The following ARHGAP32 variants were observed in gnomAD, a reference collection of about 807,000 sequenced individuals.
ARHGAP32 encodes Rho GTPase activating protein 32, also known as rho GTPase-activating protein 32.
In ARHGAP32, 51 loss-of-function variants were observed where a neutral mutation model predicts 186.5. The ratio of observed to expected loss-of-function variants is 0.27; its 90% confidence interval spans 0.22 to 0.35. The LOEUF (loss-of-function observed/expected upper bound fraction) is 0.35. Among genes scored for constraint, ARHGAP32 ranks in the 10% least tolerant of loss-of-function variants. The pLI is 1.00. For synonymous variants in ARHGAP32, 950 were observed against 964.3 expected, an observed-to-expected ratio of 0.99 and a Z score of 0.27; for missense variants, 2,186 against 2,623.5, an observed-to-expected ratio of 0.83 and a Z score of 3.64.
intron 2 of ARHGAP32, among the ~76,000 whole-genome samples, chr11:129,161,812 T>TTA (rs904385485): frequency 5.3e-5 from 8 of 151,936 alleles, no homozygotes; most frequent in African/African-American, 1.9e-4. Context: ...ACCCAAAGTA[T>TTA]TATAAATCAT....
chr11:129,197,928 G>A (rs564622408), intron 1 of ARHGAP32, among the ~76,000 whole-genome samples: 1 of 152,154 alleles, frequency 6.6e-6, no homozygotes, highest in Admixed American at 6.5e-5. Flanking sequence ...ATTCACAATG[G>A]TATCTAAAGA....
intron 1 of ARHGAP32, among the ~76,000 whole-genome samples, chr11:129,198,315 C>T (rs1944418951): frequency 6.6e-6 from 1 of 152,164 alleles, no homozygotes; most frequent in Admixed American, 6.5e-5. Flanking sequence ...CAAGCTCAGA[C>T]TCAAATATCA....
chr11:129,049,655 C>G (rs1402764714), intron 10 of ARHGAP32, among the ~76,000 whole-genome samples: 1 of 151,968 alleles, frequency 6.6e-6, no homozygotes. Context: ...TTTTTGTCTG[C>G]CTTCTTTCAT....
At chr11:129,230,502 TCTA>T (rs1378283659) in intron 1 of ARHGAP32, among the ~76,000 whole-genome samples, 7 of 152,118 alleles carry the variant, frequency 4.6e-5, no homozygotes, top group South Asian at 2.1e-4. Flanking sequence ...ACTGTTTTAT[TCTA>T]CTTACTTTTT....
At chr11:129,248,360 T>TTGCGA (rs960892542) in intron 1 of ARHGAP32, among the ~76,000 whole-genome samples, 3 of 152,200 alleles carry the variant, frequency 2.0e-5, no homozygotes, top group Admixed American at 1.3e-4. Flanking sequence ...AATGACTTCC[T>TTGCGA]TGCGATGCGA....
chr11:129,244,644 A>G (rs1945065347), intron 1 of ARHGAP32, among the ~76,000 whole-genome samples: 1 of 151,878 alleles, frequency 6.6e-6, no homozygotes, highest in Admixed American at 6.5e-5. Context: ...AGAAACTACC[A>G]TCAGAGTGAA....
At chr11:129,127,725 CTTT>C (rs1170651095) in intron 2 of ARHGAP32, among the ~76,000 whole-genome samples, 1 of 151,794 alleles carries the variant, frequency 6.6e-6, no homozygotes, top group Non-Finnish European at 1.5e-5. Context: ...TAAGAAAGTT[CTTT>C]TTTAGAAAAT....
intron 1 of ARHGAP32, among the ~76,000 whole-genome samples, chr11:129,256,109 A>T (rs925092125): frequency 3.9e-5 from 6 of 152,124 alleles, no homozygotes; most frequent in African/African-American, 1.4e-4. Flanking sequence ...CAATTCCAGC[A>T]TATAAAATAA....
chr11:129,017,712 T>A (rs1044873529), intron 11 of ARHGAP32, among the ~76,000 whole-genome samples: 1 of 152,156 alleles, frequency 6.6e-6, no homozygotes, highest in African/African-American at 2.4e-5. Context: ...TCCCTTCCAA[T>A]CCTTTTAATT....
At chr11:129,016,409 T>C (rs1938339772) in intron 11 of ARHGAP32, among the ~76,000 whole-genome samples, 1 of 152,210 alleles carries the variant, frequency 6.6e-6, no homozygotes, top group African/African-American at 2.4e-5. Context: ...TATTGCCCTA[T>C]TTCTTCTAAA....
At position 128,970,941 on chromosome 11, in the gene ARHGAP32, A is replaced by G; in HGVS notation, c.4272T>C (p.Pro1424=). The G allele has an allele frequency of 6.2e-7, 1 of 1,613,972 alleles. No homozygotes were observed. The change falls in exon 23 of 23, where the codon CCT becomes CCC. Residue 1424 remains proline (P), a synonymous_variant. Coordinates refer to ENST00000682385, the MANE Select transcript of ARHGAP32 (RefSeq NM_001378024.1). The surrounding 1 kb of genome is among the most constrained non-coding windows in gnomAD (Gnocchi z 5.8). The part of the protein sequence containing the change: ...ESVPAHPCGF[P]APLPPTRMME... The stretch of plus-strand genomic sequence containing the variant: ...TCATCCTGGTGGGGGGCAGTGGTGC[A>G]GGAAAGCCACAGGGATGCGCAGGGA...
chr11:128,984,374 C>CAA (rs1008089613), intron 15 of ARHGAP32, among the ~76,000 whole-genome samples: 2 of 130,296 alleles, frequency 1.5e-5, no homozygotes, highest in East Asian at 2.2e-4. Flanking sequence ...GACCCTGCCT[C>CAA]AAAAAAAAAA....
intron 10 of ARHGAP32, among the ~76,000 whole-genome samples, chr11:129,050,845 T>C (rs1940013097): frequency 1.3e-5 from 2 of 152,188 alleles, no homozygotes; most frequent in East Asian, 1.9e-4. Context: ...CCTGTGTCCA[T>C]GTGTTCTCAC....
At chr11:129,027,228 G>A (rs1938897555) in intron 11 of ARHGAP32, among the ~76,000 whole-genome samples, 1 of 151,994 alleles carries the variant, frequency 6.6e-6, no homozygotes, top group Admixed American at 6.5e-5. Flanking sequence ...CTACCATACT[G>A]GTCTAAGTCA....
At chr11:129,239,293 A>G (rs1321226429) in intron 1 of ARHGAP32, among the ~76,000 whole-genome samples, 1 of 152,124 alleles carries the variant, frequency 6.6e-6, no homozygotes, top group African/African-American at 2.4e-5. Context: ...TTGTGTGAGC[A>G]CTTACTCTGT....
intron 6 of ARHGAP32, among the ~76,000 whole-genome samples, chr11:129,092,323 G>C (rs1327032490): frequency 6.6e-6 from 1 of 151,780 alleles, no homozygotes; most frequent in Non-Finnish European, 1.5e-5. Context: ...TGAGAAAAAA[G>C]AGATGCTAAA....
In ARHGAP32 at chr11:129,164,351, G is replaced by A. The variant is rs944275957; in HGVS notation, c.193C>T (p.Arg65Trp). The change falls in exon 2 of 23, where the codon CGG becomes TGG. Residue 65 changes from arginine (R) to tryptophan (W), a missense_variant. Arg to Trp is a moderately radical substitution (Grantham distance 101, BLOSUM62 -3). Transcript: ENST00000682385. The part of the protein sequence containing the change: ...ELHRNVHPRE[R>W]PDWEETLSAM... Reference sequence around the variant, plus strand: ...CTAAGAGTTTCTTCCCAATCAGGCCGCTCTCGAGGGTGTACATTTCTATGT... The same window carrying A: ...CTAAGAGTTTCTTCCCAATCAGGCCACTCTCGAGGGTGTACATTTCTATGT... 20 of 1,580,106 alleles carry A rather than the reference G, an allele frequency of 1.3e-5. No individual in the cohort carries two copies. Among genetic ancestry groups the A allele is most frequent in the South Asian group, 3.5e-5 (3 of 86,052 alleles).
chr11:129,213,958 T>C (rs1312960313), intron 1 of ARHGAP32, among the ~76,000 whole-genome samples: 1 of 151,866 alleles, frequency 6.6e-6, no homozygotes. Context: ...TTCTTATACC[T>C]CAAGTAGTAA....
intron 11 of ARHGAP32, among the ~76,000 whole-genome samples, chr11:129,037,460 T>G (rs1939394235): frequency 6.6e-6 from 1 of 151,208 alleles, no homozygotes; most frequent in Admixed American, 6.6e-5. Context: ...ACCATCGCAC[T>G]CCAGCCTGGG....
Sources: gnomAD v4.1 joint callset for allele counts (sites outside exome capture counted in the v4.1 genomes callset) on GRCh38, gnomAD v4.1.1 for gene constraint, Gnocchi (gnomAD v3.1) non-coding constraint, MANE v1.5 for transcripts, NCBI Gene and HGNC (gene_info 2026-07-23, HGNC 2026-07-21) for gene names.